The following CCDC57 variants were observed in gnomAD, a reference collection of about 807,000 sequenced individuals.
The protein encoded by CCDC57 is coiled-coil domain containing 57, also known as coiled-coil domain-containing protein 57.
A neutral mutation model predicts 118.9 loss-of-function variants in CCDC57; 118 were observed. The observed-to-expected ratio is 0.99, with a 90% confidence interval of 0.86 to 1.16. The LOEUF is 1.16. CCDC57 is among the 50% of genes most tolerant of loss of function. The probability of loss-of-function intolerance (pLI) is 0.00; values close to 1 mark genes in which losing one functional copy is unlikely to be tolerated. For missense variants in CCDC57, 1,300 were observed against 1,320.7 expected (o/e 0.98, Z 0.24); for synonymous variants, 527 against 532.9 (o/e 0.99, Z 0.15).
At chr17:82,196,543 C>T (rs1224875367) in intron 4 of CCDC57, among the ~76,000 whole-genome samples, 1 of 152,170 alleles carries the variant, frequency 6.6e-6, no homozygotes, top group Non-Finnish European at 1.5e-5. Flanking sequence ...AAATTAGTGA[C>T]ACACTGGCCT....
At chr17:82,179,370 C>A (rs368085039) in intron 9 of CCDC57, among the ~76,000 whole-genome samples, 181 bp from the exon 9 acceptor site, 5 of 152,324 alleles carry the variant, frequency 3.3e-5, no homozygotes, top group African/African-American at 1.2e-4. Context: ...AATACAAAGA[C>A]GAGCAGGCGC....
exon 3 of CCDC57, chr17:82,201,823 C>T (rs1454425991): frequency 1.2e-6 from 2 of 1,613,540 alleles, no homozygotes; most frequent in South Asian, 1.1e-5. Context: ...CTCCAGCTGG[C>T]TCCGTGTGTC....
chr17:82,141,835 A>G (rs550522432), intron 16 of CCDC57, among the ~76,000 whole-genome samples: 25 of 152,124 alleles, frequency 1.6e-4, no homozygotes, highest in South Asian at 6.2e-4. Context: ...AACTGTAGGG[A>G]AAAAAAATGA....
intron 1 of CCDC57, among the ~76,000 whole-genome samples, chr17:82,209,184 C>T (rs1215479231): frequency 6.6e-6 from 1 of 152,072 alleles, no homozygotes; most frequent in Non-Finnish European, 1.5e-5. Flanking sequence ...CTGTCAGTGG[C>T]ACTTGCTGGA....
At chr17:82,129,515 C>G (rs551006023) in intron 17 of CCDC57, among the ~76,000 whole-genome samples, 4 of 152,166 alleles carry the variant, frequency 2.6e-5, no homozygotes, top group Non-Finnish European at 5.9e-5. Context: ...GTGTACTTGG[C>G]CCATGTTTAC....
intron 19 of CCDC57, among the ~76,000 whole-genome samples, 158 bp from the exon 19 acceptor site, chr17:82,102,024 C>G (rs2034485109): frequency 6.6e-6 from 1 of 152,244 alleles, no homozygotes; most frequent in Admixed American, 6.5e-5. Flanking sequence ...CCGTGAAGGC[C>G]AAAGGATCCT....
intron 2 of CCDC57, among the ~76,000 whole-genome samples, chr17:82,205,256 C>T (rs2049481658): frequency 6.6e-6 from 1 of 152,176 alleles, no homozygotes; most frequent in South Asian, 2.1e-4. Context: ...CTGAGGTCTG[C>T]GAGGTCTACG....
In CCDC57 at chr17:82,192,841, T is replaced by C. The variant is rs898811723; in HGVS notation, c.851+915A>G. On this transcript the variant is annotated intron_variant, in intron 7 of 19. Transcript: ENST00000665763. The surrounding 1 kb of genome is among the most constrained non-coding windows in gnomAD (Gnocchi z 4.0). ...GATTTATACAACTGCACAAATATCA[T>C]GTCAATAAAAAATGCAAGAAAAATC... Among the ~76,000 whole-genome samples, 8 of 152,176 alleles carry C rather than the reference T, an allele frequency of 5.3e-5. No individual in the cohort carries two copies. The highest frequency in any genetic ancestry group is 1.9e-4 in the African/African-American group (8 of 41,438).
chr17:82,184,029 GCGCACACACACACACACACA>G (rs1439888978), intron 8 of CCDC57, 97 bp from the exon 8 acceptor site: 10 of 238,904 alleles, frequency 4.2e-5, no homozygotes, highest in African/African-American at 8.3e-5. Flanking sequence ...GCGCGCGCGC[GCGCACACACACACACACACA>G]CACACACACA....
chr17:82,143,917 G>A (rs866301811), intron 16 of CCDC57, among the ~76,000 whole-genome samples: 6 of 146,990 alleles, frequency 4.1e-5, no homozygotes, highest in African/African-American at 1.5e-4. Context: ...TGGCCAACAT[G>A]GTGAAACCTG....
chr17:82,151,789 C>T lies in CCDC57; in HGVS notation c.2242-16G>A, dbSNP rs950728921. The T allele has an allele frequency of 2.5e-5, 39 of 1,547,122 alleles. No homozygotes were observed. In the African/African-American group the frequency reaches 4.0e-4, roughly 16 times the overall value. ...TGGTGAGGCCCTGTAACAAAACTCA[C>T]AGGCAGACACCCCTGTGAGGCTGCC... On this transcript the variant is annotated splice_polypyrimidine_tract_variant and intron_variant, in intron 15 of 19. Transcript: ENST00000665763.
chr17:82,179,163 A>G (rs751305229), exon 10 of CCDC57: 4 of 1,613,636 alleles, frequency 2.5e-6, no homozygotes, highest in Non-Finnish European at 3.4e-6. Flanking sequence ...CTCCCTTTCC[A>G]CTGCCAGGGA....
At chr17:82,101,909 G>A in intron 19 of CCDC57, 43 bp from the exon 19 acceptor site, 3 of 1,506,308 alleles carry the variant, frequency 2.0e-6, no homozygotes, top group Non-Finnish European at 2.7e-6. Flanking sequence ...CAGGATGGCA[G>A]GGGGAGCAGG....
At chr17:82,202,361 G>A (rs764869672) in intron 2 of CCDC57, among the ~76,000 whole-genome samples, 4 of 151,932 alleles carry the variant, frequency 2.6e-5, no homozygotes, top group African/African-American at 7.3e-5. Flanking sequence ...CCAGCTACTC[G>A]GGAGGCTGAG....
chr17:82,120,647 C>G (rs1412145498), intron 19 of CCDC57, among the ~76,000 whole-genome samples: 1 of 152,228 alleles, frequency 6.6e-6, no homozygotes, highest in Non-Finnish European at 1.5e-5. Flanking sequence ...CATCAAGATA[C>G]TTCGCAGATC....
At chr17:82,200,127 C>A (rs902202544) in intron 3 of CCDC57, among the ~76,000 whole-genome samples, 1 of 152,200 alleles carries the variant, frequency 6.6e-6, no homozygotes, top group Non-Finnish European at 1.5e-5. Context: ...ACCTGACCTG[C>A]CGCAGAAGGT....
chr17:82,102,687 A>G (rs1296324677), intron 19 of CCDC57, among the ~76,000 whole-genome samples: 1 of 152,118 alleles, frequency 6.6e-6, no homozygotes, highest in African/African-American at 2.4e-5. Flanking sequence ...GTTCAAGACT[A>G]GCCTGGCCAA....
At chr17:82,125,273 C>T (rs1273572073) in intron 19 of CCDC57, among the ~76,000 whole-genome samples, 3 of 152,146 alleles carry the variant, frequency 2.0e-5, no homozygotes, top group Non-Finnish European at 2.9e-5. Context: ...CATGGTGACT[C>T]ACGCCTGCAG....
At chr17:82,201,859 G>C in exon 3 of CCDC57, 1 of 1,613,290 alleles carries the variant, frequency 6.2e-7, no homozygotes, top group Non-Finnish European at 8.5e-7. Flanking sequence ...CTGCAGCTGG[G>C]TGCGGTGTGC....
Sources: gnomAD v4.1 joint callset for allele counts (sites outside exome capture counted in the v4.1 genomes callset) on GRCh38, gnomAD v4.1.1 for gene constraint, Gnocchi (gnomAD v3.1) non-coding constraint, MANE v1.5 for transcripts, NCBI Gene and HGNC (gene_info 2026-07-23, HGNC 2026-07-21) for gene names.